The following GALNT13 variants were observed in gnomAD, a reference collection of about 807,000 sequenced individuals.
The protein encoded by GALNT13 is UDP-GalNAc:polypeptide N-acetylgalactosaminyltransferase 13.
In GALNT13, 28 loss-of-function variants were observed where a neutral mutation model predicts 64.2. The ratio of observed to expected loss-of-function variants is 0.44; its 90% CI spans 0.32 to 0.60. The LOEUF (loss-of-function observed/expected upper bound fraction) is 0.60, where lower values mean the gene tolerates loss of function less well. GALNT13 is among the 20% of genes least tolerant of loss of function. The pLI, the probability that GALNT13 is intolerant of heterozygous loss-of-function variation, is 0.05. For missense variants in GALNT13, 577 were observed against 669.8 expected (o/e 0.86, Z 1.53); for synonymous variants, 214 against 224.6 (o/e 0.95, Z 0.42).
At chr2:154,009,086 G>T (rs751599926) in intron 3 of GALNT13, among the ~76,000 whole-genome samples, 58 of 152,012 alleles carry the variant, frequency 3.8e-4, no homozygotes, top group Non-Finnish European at 7.4e-5. Flanking sequence ...TGTAAGGAAG[G>T]GGCCCAGTTT....
chr2:153,081,004 C>A, the GALNT13 span, among the ~76,000 whole-genome samples: 1 of 151,850 alleles, frequency 6.6e-6, no homozygotes, highest in South Asian at 2.1e-4. Flanking sequence ...AATCTCTCTC[C>A]TTTAAAATTA....
At chr2:153,296,429 C>T in the GALNT13 span, among the ~76,000 whole-genome samples, 5 of 152,098 alleles carry the variant, frequency 3.3e-5, no homozygotes, top group African/African-American at 1.2e-4. Context: ...ATATTTGTTT[C>T]AGAAAATCCA....
At chr2:153,598,436 C>G in the GALNT13 span, among the ~76,000 whole-genome samples, 4 of 151,980 alleles carry the variant, frequency 2.6e-5, no homozygotes, top group African/African-American at 9.7e-5. Flanking sequence ...CAATTATCAT[C>G]CTATCTAAAG....
At chr2:153,517,305 G>A in the GALNT13 span, among the ~76,000 whole-genome samples, 1 of 152,170 alleles carries the variant, frequency 6.6e-6, no homozygotes, top group Non-Finnish European at 1.5e-5. Context: ...TAGACCCTGA[G>A]TGTTTTCAAA....
the GALNT13 span, among the ~76,000 whole-genome samples, chr2:153,387,462 T>C: frequency 6.6e-6 from 1 of 152,114 alleles, no homozygotes; most frequent in African/African-American, 2.4e-5. Flanking sequence ...TGCATTTGTG[T>C]TAGTTGCTTT....
the GALNT13 span, among the ~76,000 whole-genome samples, chr2:153,562,083 T>G: frequency 6.7e-6 from 1 of 150,290 alleles, no homozygotes; most frequent in Non-Finnish European, 1.5e-5. Context: ...TGTGTGTGTG[T>G]GTGTGTGTGT....
At chr2:153,968,462 G>A (rs1234478796) in intron 3 of GALNT13, among the ~76,000 whole-genome samples, 1 of 152,170 alleles carries the variant, frequency 6.6e-6, no homozygotes. Flanking sequence ...GAGTACGGGT[G>A]TTGTAGGCAA....
the GALNT13 span, among the ~76,000 whole-genome samples, chr2:153,752,203 A>G: frequency 2.2e-4 from 34 of 152,012 alleles, no homozygotes; most frequent in African/African-American, 5.8e-4. Flanking sequence ...ACAAGTTGTT[A>G]TAGTTATTAT....
intron 4 of GALNT13, among the ~76,000 whole-genome samples, chr2:154,221,923 G>T (rs1382200876): frequency 2.0e-5 from 3 of 152,062 alleles, no homozygotes; most frequent in Non-Finnish European, 4.4e-5. Flanking sequence ...TTCTCAAAGA[G>T]AAATGGTGGA....
the GALNT13 span, among the ~76,000 whole-genome samples, chr2:153,139,587 G>C: frequency 6.6e-6 from 1 of 151,996 alleles, no homozygotes; most frequent in African/African-American, 2.4e-5. Context: ...GATATGAACA[G>C]ATGGAGATGG....
chr2:154,375,651 C>T (rs1267755306), intron 9 of GALNT13, among the ~76,000 whole-genome samples: 1 of 152,082 alleles, frequency 6.6e-6, no homozygotes, highest in African/African-American at 2.4e-5. Context: ...TTCCCATTCT[C>T]ATTCACCTCA....
the GALNT13 span, among the ~76,000 whole-genome samples, chr2:153,568,836 A>G: frequency 1.3e-5 from 2 of 152,232 alleles, no homozygotes; most frequent in Non-Finnish European, 2.9e-5. Context: ...TTAATGGATT[A>G]GTTTTGTTGT....
chr2:153,309,578 T>G, the GALNT13 span, among the ~76,000 whole-genome samples: 1 of 152,036 alleles, frequency 6.6e-6, no homozygotes, highest in Admixed American at 6.6e-5. Flanking sequence ...TTCCAAAATT[T>G]CTTTTCCTTA....
chr2:153,684,735 CATT>C, the GALNT13 span, among the ~76,000 whole-genome samples: 13 of 151,528 alleles, frequency 8.6e-5, no homozygotes, highest in Admixed American at 1.3e-4. Flanking sequence ...TTGTTGTACA[CATT>C]ATTTCATCAC....
chr2:154,112,915 A>G (rs1216021534), intron 3 of GALNT13, among the ~76,000 whole-genome samples: 2 of 152,190 alleles, frequency 1.3e-5, no homozygotes, highest in Non-Finnish European at 2.9e-5. Flanking sequence ...CATTTGAGCC[A>G]CTTCCTCATG....
chr2:153,893,396 AT>A (rs907494640), intron 1 of GALNT13, among the ~76,000 whole-genome samples: 3 of 151,910 alleles, frequency 2.0e-5, no homozygotes, highest in Non-Finnish European at 4.4e-5. Context: ...TTAAGCTAGT[AT>A]TTTTTTGGAT....
At chr2:154,331,676 G>C (rs1213443708) in intron 9 of GALNT13, among the ~76,000 whole-genome samples, 1 of 152,002 alleles carries the variant, frequency 6.6e-6, no homozygotes, top group Non-Finnish European at 1.5e-5. Flanking sequence ...ACAAGGTAAT[G>C]TTAATATACT....
At chr2:153,412,649 C>T in the GALNT13 span, among the ~76,000 whole-genome samples, 1 of 152,180 alleles carries the variant, frequency 6.6e-6, no homozygotes, top group Non-Finnish European at 1.5e-5. Flanking sequence ...TCTTCTTATT[C>T]CCTAAGGACT....
chr2:153,873,617 C>G (rs926917160), intron 1 of GALNT13, among the ~76,000 whole-genome samples: 4 of 152,172 alleles, frequency 2.6e-5, no homozygotes, highest in Admixed American at 2.6e-4. Flanking sequence ...CTGCCTTAAA[C>G]TACCATGCAT....
Sources: gnomAD v4.1 joint callset for allele counts (sites outside exome capture counted in the v4.1 genomes callset) on GRCh38, gnomAD v4.1.1 for gene constraint, MANE v1.5 for transcripts, NCBI Gene and HGNC (gene_info 2026-07-23, HGNC 2026-07-21) for gene names.